GLI3: variants seen among roughly 807,000 people sequenced by gnomAD.
The protein encoded by GLI3 is GLI family zinc finger 3.
In GLI3, 20 loss-of-function variants were observed where a neutral mutation model predicts 100.8. That is an observed-to-expected ratio of 0.20 (90% CI 0.14 to 0.29). The LOEUF is 0.29. Among genes scored for constraint, GLI3 ranks in the 10% least tolerant of loss-of-function variants. The probability of loss-of-function intolerance (pLI) is 1.00; values close to 1 mark genes in which losing one functional copy is unlikely to be tolerated. For synonymous variants in GLI3, 938 were observed against 860.5 expected, an observed-to-expected ratio of 1.09 and a Z score of -1.58; for missense variants, 2,040 against 2,128.5, an observed-to-expected ratio of 0.96 and a Z score of 0.82.
chr7:42,023,433 C>G, intron 10 of GLI3, 35 bp downstream of exon 10: 1 of 1,612,206 alleles, frequency 6.2e-7, no homozygotes, highest in South Asian at 1.1e-5. Context: ...TGTCACAGAG[C>G]TGTAAAGCTC....
chr7:42,255,092 C>A (rs1265338110), intron 1 of GLI3, among the ~76,000 whole-genome samples: 1 of 138,860 alleles, frequency 7.2e-6, no homozygotes, highest in Non-Finnish European at 1.5e-5. Context: ...TTTTTTGCAT[C>A]TTTGTGCATA....
chr7:42,201,756 C>G (rs1264613201), intron 2 of GLI3, among the ~76,000 whole-genome samples: 1 of 152,064 alleles, frequency 6.6e-6, no homozygotes, highest in Non-Finnish European at 1.5e-5. Flanking sequence ...ATTTGTGTAT[C>G]TAAACATAGT....
chr7:42,045,601 CAG>C, intron 5 of GLI3, 71 bp from the exon 6 acceptor site: 1 of 1,409,596 alleles, frequency 7.1e-7, no homozygotes, highest in Non-Finnish European at 9.9e-7. Flanking sequence ...TGAGGCATCT[CAG>C]AGTCCATTAC....
At chr7:42,083,597 T>G (rs918129062) in intron 3 of GLI3, among the ~76,000 whole-genome samples, 1 of 152,322 alleles carries the variant, frequency 6.6e-6, no homozygotes, top group Non-Finnish European at 1.5e-5. Context: ...ATCTTATCCT[T>G]TATGGAAAAA....
At chr7:41,992,565 C>A (rs1788017827) in intron 10 of GLI3, among the ~76,000 whole-genome samples, 8 of 152,104 alleles carry the variant, frequency 5.3e-5, no homozygotes, top group Admixed American at 5.2e-4. Flanking sequence ...TTAAAGATTT[C>A]ACAAAGCCCA....
intron 1 of GLI3, among the ~76,000 whole-genome samples, chr7:42,252,479 C>T (rs1357411111): frequency 6.6e-6 from 1 of 152,042 alleles, no homozygotes; most frequent in East Asian, 1.9e-4. Flanking sequence ...TACCCCTGAA[C>T]CTAAAATAAA....
chr7:42,191,425 G>A (rs1048183750), intron 2 of GLI3, among the ~76,000 whole-genome samples: 3 of 152,034 alleles, frequency 2.0e-5, no homozygotes, highest in Non-Finnish European at 2.9e-5. Context: ...TTGGGAGGCG[G>A]GCAGATAACC....
At chr7:41,992,122 C>T (rs1788003027) in intron 10 of GLI3, among the ~76,000 whole-genome samples, 1 of 152,176 alleles carries the variant, frequency 6.6e-6, no homozygotes, top group Admixed American at 6.5e-5. Flanking sequence ...ATCATAGAGG[C>T]ACTAAGCAAA....
intron 2 of GLI3, among the ~76,000 whole-genome samples, chr7:42,221,092 C>T (rs1378291496): frequency 1.3e-5 from 2 of 152,210 alleles, no homozygotes; most frequent in Non-Finnish European, 2.9e-5. Flanking sequence ...GCAGCACAAA[C>T]ATTTGTAAAT....
chr7:42,166,108 G>A (rs1047827598), intron 2 of GLI3, among the ~76,000 whole-genome samples: 12 of 152,152 alleles, frequency 7.9e-5, no homozygotes, highest in African/African-American at 2.7e-4. Context: ...CCTGAATAGA[G>A]GCTCTGAGCA....
At chr7:42,162,313 G>A (rs536464562) in intron 2 of GLI3, among the ~76,000 whole-genome samples, 11 of 152,200 alleles carry the variant, frequency 7.2e-5, no homozygotes, top group African/African-American at 9.6e-5. Context: ...CTCAGGGATA[G>A]ATTCAACTGA....
chr7:42,219,665 T>C (rs954126485), intron 2 of GLI3, among the ~76,000 whole-genome samples: 22 of 152,118 alleles, frequency 1.4e-4, no homozygotes, highest in African/African-American at 4.3e-4. Flanking sequence ...TGTGAGTGGT[T>C]TGGCTGGGAA....
rs551933371 is a variant in GLI3, at chr7:42,112,056, G to C, written c.368-35199C>G. On this transcript the variant is annotated intron_variant, in intron 3 of 14. Coordinates refer to ENST00000395925, the MANE Select transcript of GLI3 (RefSeq NM_000168.6). ...TTGTGAAGGACAAAAAAGTGTGCCA[G>C]ATGCTGAAGACTCCCACAAACAATG... Among the ~76,000 whole-genome samples the C allele has an allele frequency of 1.7e-3, 261 of 152,326 alleles. 1 individual carries two copies. Among genetic ancestry groups the C allele is most frequent in the South Asian group, 0.014 (67 of 4,828 alleles).
chr7:42,228,353 G>A (rs895564680), intron 1 of GLI3, among the ~76,000 whole-genome samples: 1 of 152,016 alleles, frequency 6.6e-6, no homozygotes, highest in Non-Finnish European at 1.5e-5. Context: ...ATCTCCGCCA[G>A]CCAGGCCGCG....
chr7:42,173,752 A>G (rs1466369823), intron 2 of GLI3, among the ~76,000 whole-genome samples: 2 of 152,190 alleles, frequency 1.3e-5, no homozygotes, highest in Non-Finnish European at 2.9e-5. Context: ...GGAAGGGTCC[A>G]TGTTCCCTGC....
intron 3 of GLI3, among the ~76,000 whole-genome samples, chr7:42,147,126 C>T (rs542566443): frequency 1.5e-4 from 23 of 152,058 alleles, no homozygotes; most frequent in South Asian, 4.2e-4. Context: ...GGAGGTGGTG[C>T]GGGGTAGCGG....
chr7:42,135,545 G>A (rs554187455), intron 3 of GLI3, among the ~76,000 whole-genome samples: 3 of 152,304 alleles, frequency 2.0e-5, no homozygotes, highest in South Asian at 4.1e-4. Flanking sequence ...CCAGAGACAG[G>A]AAGGGATCCC....
intron 3 of GLI3, among the ~76,000 whole-genome samples, chr7:42,104,091 T>C (rs143507882): frequency 6.6e-6 from 1 of 152,246 alleles, no homozygotes. Flanking sequence ...TATATGAGCA[T>C]ACTTACGGTC....
intron 10 of GLI3, among the ~76,000 whole-genome samples, chr7:42,012,402 C>G (rs1247180432): frequency 6.6e-6 from 1 of 152,060 alleles, no homozygotes. Context: ...CTTCTTCTCT[C>G]TCCTGTAACA....
Sources: gnomAD v4.1 joint callset for allele counts (sites outside exome capture counted in the v4.1 genomes callset) on GRCh38, gnomAD v4.1.1 for gene constraint, MANE v1.5 for transcripts, NCBI Gene and HGNC (gene_info 2026-07-23, HGNC 2026-07-21) for gene names.